ADAMTS3: variants seen among roughly 807,000 people sequenced by gnomAD.
ADAMTS3 encodes the protein ADAM metallopeptidase with thrombospondin type 1 motif 3.
A neutral mutation model predicts 129.0 loss-of-function variants in ADAMTS3; 73 were observed. The ratio of observed to expected loss-of-function variants is 0.57; its 90% CI spans 0.47 to 0.69. The LOEUF (loss-of-function observed/expected upper bound fraction) is 0.69. Among genes scored for constraint, ADAMTS3 ranks in the 30% least tolerant of loss-of-function variants. The probability of loss-of-function intolerance (pLI) is 0.00; values close to 1 mark genes in which losing one functional copy is unlikely to be tolerated. For synonymous variants in ADAMTS3, 477 were observed against 510.8 expected (o/e 0.93, Z 0.89); for missense variants, 1,457 against 1,514.5 (o/e 0.96, Z 0.63).
intron 3 of ADAMTS3, among the ~76,000 whole-genome samples, chr4:72,464,358 G>A (rs1718862573): frequency 6.6e-6 from 1 of 151,978 alleles, no homozygotes; most frequent in Non-Finnish European, 1.5e-5. Flanking sequence ...CTAGCCTAGT[G>A]GATAGAATTT....
chr4:72,454,425 G>A (rs1718488803), intron 3 of ADAMTS3, among the ~76,000 whole-genome samples: 1 of 151,704 alleles, frequency 6.6e-6, no homozygotes, highest in Non-Finnish European at 1.5e-5. Flanking sequence ...CACACCAAGT[G>A]TAAACTGCTG....
Position 72,568,812 on chromosome 4 carries a change from C to T in ADAMTS3, c.-50G>A. On this transcript the variant is annotated 5_prime_UTR_variant, in exon 1 of 22. Transcript: ENST00000286657. ...TACTGGGCAAAGCAAATGCCCAGAGCAAACCCACCCCCCCCGCCCAAAATA... is the reference window on the plus strand; with the variant it reads ...TACTGGGCAAAGCAAATGCCCAGAGTAAACCCACCCCCCCCGCCCAAAATA... 1 of 1,310,602 alleles carries T rather than the reference C, an allele frequency of 7.6e-7. No homozygotes were observed. Among genetic ancestry groups the T allele is most frequent in the Non-Finnish European group, 1.1e-6 (1 of 939,622 alleles). 81.2% of individuals were successfully genotyped at this position (1,310,602 alleles called of 1,614,324 possible).
chr4:72,405,047 T>C (rs115636540), intron 4 of ADAMTS3, among the ~76,000 whole-genome samples: 1 of 151,966 alleles, frequency 6.6e-6, no homozygotes, highest in Non-Finnish European at 1.5e-5. Context: ...AAATAAGTAT[T>C]GAGGAGATGT....
intron 3 of ADAMTS3, among the ~76,000 whole-genome samples, chr4:72,477,099 A>G (rs915227541): frequency 6.6e-6 from 1 of 152,134 alleles, no homozygotes; most frequent in Admixed American, 6.5e-5. Flanking sequence ...AAGACTCAAG[A>G]CTTTCACCCT....
intron 17 of ADAMTS3, 33 bp from the exon 18 acceptor site, chr4:72,298,475 C>A: frequency 1.4e-6 from 2 of 1,479,660 alleles, no homozygotes; most frequent in Non-Finnish European, 1.8e-6. Context: ...ATGTAAATCA[C>A]CTGAGGGTTT....
chr4:72,565,678 C>T (rs1011276255), intron 2 of ADAMTS3, among the ~76,000 whole-genome samples: 1 of 152,208 alleles, frequency 6.6e-6, no homozygotes, highest in Non-Finnish European at 1.5e-5. Context: ...ATCTTCAGCA[C>T]TACACCCTAA....
chr4:72,388,352 T>G (rs1721499844), intron 4 of ADAMTS3, among the ~76,000 whole-genome samples: 1 of 152,202 alleles, frequency 6.6e-6, no homozygotes, highest in Admixed American at 6.5e-5. Context: ...TCATGCAGTT[T>G]AAAAGTACCA....
intron 4 of ADAMTS3, among the ~76,000 whole-genome samples, chr4:72,340,655 TAC>T (rs1378516796): frequency 6.6e-6 from 1 of 151,900 alleles, no homozygotes; most frequent in Non-Finnish European, 1.5e-5. Flanking sequence ...CATACACACA[TAC>T]ACACACATAT....
chr4:72,501,449 A>C (rs555116628), intron 3 of ADAMTS3, among the ~76,000 whole-genome samples: 1 of 152,212 alleles, frequency 6.6e-6, no homozygotes, highest in Non-Finnish European at 1.5e-5. Flanking sequence ...AATGCTACTA[A>C]TTTTTATACA....
chr4:72,422,815 G>A (rs977750680), intron 3 of ADAMTS3, among the ~76,000 whole-genome samples: 3 of 152,148 alleles, frequency 2.0e-5, no homozygotes, highest in African/African-American at 4.8e-5. Context: ...AACAAGGGGT[G>A]TGGGATATAG....
intron 3 of ADAMTS3, among the ~76,000 whole-genome samples, chr4:72,547,687 A>C (rs922174852): frequency 7.2e-5 from 11 of 152,198 alleles, no homozygotes; most frequent in Non-Finnish European, 1.3e-4. Flanking sequence ...AATAAATACA[A>C]TTTGATAAAA....
intron 3 of ADAMTS3, among the ~76,000 whole-genome samples, chr4:72,535,386 A>G (rs912965843): frequency 3.3e-5 from 5 of 152,194 alleles, no homozygotes; most frequent in African/African-American, 9.7e-5. Flanking sequence ...TCGTACGATC[A>G]GCTCAGAAGT....
chr4:72,288,525 C>T (rs1031506097), intron 21 of ADAMTS3, among the ~76,000 whole-genome samples: 2 of 152,166 alleles, frequency 1.3e-5, no homozygotes, highest in African/African-American at 4.8e-5. Context: ...CCAATGCCAC[C>T]AGCCAGAAAT....
chr4:72,545,845 T>C (rs977585086), intron 3 of ADAMTS3, among the ~76,000 whole-genome samples: 5 of 152,194 alleles, frequency 3.3e-5, no homozygotes, highest in Non-Finnish European at 5.9e-5. Flanking sequence ...AAAAACTTTC[T>C]TTTCTAAATC....
chr4:72,439,060 A>T (rs1200533744), intron 3 of ADAMTS3, among the ~76,000 whole-genome samples: 2 of 151,866 alleles, frequency 1.3e-5, no homozygotes. Context: ...ATACCCAAGC[A>T]TACTCAAAGT....
At chr4:72,431,764 A>C (rs1301586240) in intron 3 of ADAMTS3, among the ~76,000 whole-genome samples, 1 of 151,926 alleles carries the variant, frequency 6.6e-6, no homozygotes, top group Non-Finnish European at 1.5e-5. Flanking sequence ...AATAAAGCAG[A>C]GTGAAGGGAT....
chr4:72,382,370 C>T (rs1640045212), intron 4 of ADAMTS3, among the ~76,000 whole-genome samples: 1 of 147,330 alleles, frequency 6.8e-6, no homozygotes, highest in Admixed American at 6.7e-5. Flanking sequence ...GTAGCTCCTC[C>T]CATAACTCTA....
chr4:72,304,156 A>G (rs1044639144), intron 16 of ADAMTS3, 76 bp from the exon 17 acceptor site: 1 of 1,380,226 alleles, frequency 7.2e-7, no homozygotes, highest in Non-Finnish European at 1.0e-6. Context: ...CAGCAAGTAT[A>G]TCCTTTCTAC....
At chr4:72,382,189 A>C (rs925763838) in intron 4 of ADAMTS3, among the ~76,000 whole-genome samples, 1 of 152,122 alleles carries the variant, frequency 6.6e-6, no homozygotes, top group African/African-American at 2.4e-5. Flanking sequence ...AATATATTTT[A>C]TATTATGGCA....
Sources: allele counts gnomAD v4.1 joint callset (sites outside exome capture counted in the v4.1 genomes callset), GRCh38; gene constraint gnomAD v4.1.1; transcripts MANE v1.5; gene names NCBI Gene and HGNC (gene_info 2026-07-23, HGNC 2026-07-21).